EXTL3: variants seen among roughly 807,000 people sequenced by gnomAD.
The protein encoded by EXTL3 is exostosin-like 3.
Under a neutral mutation model 69.3 loss-of-function variants are expected in EXTL3, and 27 were observed. That is an observed-to-expected ratio of 0.39 (90% CI 0.29 to 0.54). The LOEUF (loss-of-function observed/expected upper bound fraction) is 0.54, where lower values mean the gene tolerates loss of function less well. EXTL3 is among the 20% of genes least tolerant of loss of function. The pLI, the probability that EXTL3 is intolerant of heterozygous loss-of-function variation, is 0.69. For synonymous variants in EXTL3, 511 were observed against 499.4 expected (o/e 1.02, Z -0.31); for missense variants, 1,003 against 1,231.8 (o/e 0.81, Z 2.78).
upstream of EXTL3, chr8:28,697,337 A>G (rs1288147411): frequency 1.3e-5 from 2 of 152,170 alleles, no homozygotes; most frequent in Non-Finnish European, 2.9e-5. Flanking sequence ...GATTGATTAA[A>G]GGGGTGGACA....
rs140485665 is a variant in EXTL3 at position 28,748,293 on chromosome 8, C to A, written c.2551-2364C>A. 4.4e-3 allele frequency among the ~76,000 whole-genome samples: 662 copies of A among 151,812 alleles called. 5 individuals are homozygous for A. The highest frequency in any genetic ancestry group is 0.016 in the African/African-American group (641 of 41,352). ...GGCTGAGGCAGGAGAATGGCATAAACCTGGGAGGCGGAGTTCGTAGTGAGC... is the reference window on the plus strand; with the variant it reads ...GGCTGAGGCAGGAGAATGGCATAAAACTGGGAGGCGGAGTTCGTAGTGAGC... On this transcript the variant is annotated intron_variant, in intron 6 of 6. Coordinates refer to ENST00000220562, the MANE Select transcript of EXTL3 (RefSeq NM_001440.4).
At chr8:28,646,155 C>T (rs1294675360) in intron 1 of EXTL3, among the ~76,000 whole-genome samples, 1 of 152,172 alleles carries the variant, frequency 6.6e-6, no homozygotes, top group East Asian at 1.9e-4. Context: ...AGCCACTGTG[C>T]CCAGCCTAAA....
At chr8:28,615,393 G>C (rs1450439901) in intron 2 of EXTL3, among the ~76,000 whole-genome samples, 1 of 152,078 alleles carries the variant, frequency 6.6e-6, no homozygotes, top group Non-Finnish European at 1.5e-5. Context: ...CTTCTCTGCA[G>C]GTCTATCAGT....
intron 1 of EXTL3, among the ~76,000 whole-genome samples, chr8:28,652,948 AT>A (rs1806950761): frequency 6.6e-6 from 1 of 152,202 alleles, no homozygotes; most frequent in Non-Finnish European, 1.5e-5. Flanking sequence ...CCACACATGC[AT>A]AGGCTGACCC....
chr8:28,632,961 A>C (rs1806590903), intron 1 of EXTL3, among the ~76,000 whole-genome samples: 1 of 152,194 alleles, frequency 6.6e-6, no homozygotes, highest in African/African-American at 2.4e-5. Context: ...AATAAATAAT[A>C]AAAATATTAA....
intron 3 of EXTL3, among the ~76,000 whole-genome samples, chr8:28,729,555 G>A (rs570283392): frequency 1.6e-5 from 2 of 123,178 alleles, no homozygotes; most frequent in African/African-American, 3.1e-5. Flanking sequence ...AAGATTGCGC[G>A]ACTGCACTCC....
intron 1 of EXTL3, among the ~76,000 whole-genome samples, chr8:28,647,952 G>A (rs1806860860): frequency 7.9e-6 from 1 of 126,076 alleles, no homozygotes; most frequent in Non-Finnish European, 1.6e-5. Flanking sequence ...GCACTAGATG[G>A]GTTGGGGGTG....
chr8:28,657,612 G>GTTTTTA (rs1440362299), intron 1 of EXTL3, among the ~76,000 whole-genome samples: 1 of 151,930 alleles, frequency 6.6e-6, no homozygotes, highest in Non-Finnish European at 1.5e-5. Flanking sequence ...TCATGGTTTG[G>GTTTTTA]TTTTTATTTT....
intron 2 of EXTL3, among the ~76,000 whole-genome samples, chr8:28,610,747 T>C (rs1400761176): frequency 3.9e-5 from 3 of 76,112 alleles, no homozygotes; most frequent in Non-Finnish European, 2.9e-5. Flanking sequence ...TCTGTTTCTT[T>C]TTTTTTTTTT....
At chr8:28,747,345 G>C (rs1181793610) in intron 6 of EXTL3, among the ~76,000 whole-genome samples, 1 of 152,164 alleles carries the variant, frequency 6.6e-6, no homozygotes. Flanking sequence ...CCTGGAGGGG[G>C]ACCTGTGGAG....
intron 1 of EXTL3, among the ~76,000 whole-genome samples, chr8:28,658,112 G>A (rs563818566): frequency 2.9e-4 from 44 of 152,316 alleles, no homozygotes; most frequent in Admixed American, 2.5e-3. Context: ...AGGGCTGCCC[G>A]TGCAGAAGCC....
At chr8:28,704,955 CCTTT>C (rs1483879505) in intron 1 of EXTL3, among the ~76,000 whole-genome samples, 1 of 152,228 alleles carries the variant, frequency 6.6e-6, no homozygotes, top group Non-Finnish European at 1.5e-5. Context: ...CATCCGGCTT[CCTTT>C]GTTTCTGAAG....
chr8:28,703,826 A>G (rs550265177), intron 1 of EXTL3, among the ~76,000 whole-genome samples: 20 of 152,354 alleles, frequency 1.3e-4, no homozygotes, highest in Admixed American at 4.6e-4. Context: ...GAAAACTTCT[A>G]TTAACATATT....
chr8:28,630,896 G>T (rs1394047100), intron 1 of EXTL3, among the ~76,000 whole-genome samples: 3 of 152,226 alleles, frequency 2.0e-5, no homozygotes, highest in Non-Finnish European at 4.4e-5. Flanking sequence ...GGCATGTCAG[G>T]AATGGCATGG....
intron 3 of EXTL3, among the ~76,000 whole-genome samples, chr8:28,721,997 T>A (rs1025769817): frequency 2.6e-5 from 4 of 152,202 alleles, no homozygotes; most frequent in African/African-American, 9.7e-5. Context: ...GTCTTAGGTT[T>A]TCATTCTCTT....
chr8:28,676,065 A>ATTGG (rs1203511177), intron 1 of EXTL3, among the ~76,000 whole-genome samples: 3 of 150,474 alleles, frequency 2.0e-5, no homozygotes. Context: ...GTTGAATCTG[A>ATTGG]TTGGTTGGTT....
In EXTL3 at chr8:28,716,720, A is replaced by G; in HGVS notation, c.661A>G (p.Thr221Ala). Residue 221 changes from threonine to alanine, a missense_variant, in exon 3 of 7, where the codon ACA becomes GCA. Around this residue, in one of 2 missense-constraint regions of EXTL3, gnomAD observed 742 missense variants for 815.4 expected, o/e 0.91. Coordinates refer to ENST00000220562, the MANE Select transcript of EXTL3 (RefSeq NM_001440.4). The surrounding 1 kb of genome is among the most constrained non-coding windows in gnomAD (Gnocchi z 7.1). ...CTTGGTCAAGCAGGCTTTTCAGGCG[A>G]CAGCACGAGCTAACGTTTATGTTAC... ...DPLVKQAFQA[T>A]ARANVYVTEN... 4 of 1,614,244 alleles carry G rather than the reference A, an allele frequency of 2.5e-6. No homozygotes were observed. The highest frequency in any genetic ancestry group is 3.4e-6 in the Non-Finnish European group (4 of 1,180,046).
intron 1 of EXTL3, among the ~76,000 whole-genome samples, chr8:28,668,170 C>T (rs1053663545): frequency 4.0e-5 from 6 of 148,204 alleles, no homozygotes; most frequent in Admixed American, 1.4e-4. Context: ...GTGAGGCTGA[C>T]GTGAGAGGAT....
rs771863047 is a variant in EXTL3, at chr8:28,742,938, G to A, written c.2422-148G>A. On this transcript the variant is annotated intron_variant, in intron 5 of 6. Coordinates refer to ENST00000220562, the MANE Select transcript of EXTL3 (RefSeq NM_001440.4). ...GAAGATCCACACGACAGGATGTCTCGAATCCCCTGCCCCAGTCCCTAAGTG... is the reference window on the plus strand; with the variant it reads ...GAAGATCCACACGACAGGATGTCTCAAATCCCCTGCCCCAGTCCCTAAGTG... The A allele has an allele frequency of 3.0e-4, 249 of 817,886 alleles. 1 individual carries two copies. Among genetic ancestry groups the A allele is most frequent in the South Asian group, 1.1e-3 (80 of 72,768 alleles). 50.7% of individuals were successfully genotyped at this position (817,886 alleles called of 1,614,324 possible).
Sources: gnomAD v4.1 joint callset for allele counts (sites outside exome capture counted in the v4.1 genomes callset) on GRCh38, gnomAD v4.1.1 for gene constraint, gnomAD v4.1.1 regional missense constraint, Gnocchi (gnomAD v3.1) non-coding constraint, MANE v1.5 for transcripts, NCBI Gene and HGNC (gene_info 2026-07-23, HGNC 2026-07-21) for gene names.